The following UNC13C variants were observed in gnomAD, a reference collection of about 807,000 sequenced individuals.
UNC13C encodes the protein unc-13 homolog C.
Under a neutral mutation model 245.4 loss-of-function variants are expected in UNC13C, and 174 were observed. That is an observed-to-expected ratio of 0.71 (90% CI 0.63 to 0.80). UNC13C has a LOEUF of 0.80. Ranked by LOEUF, UNC13C falls within the 30% of genes least tolerant of loss-of-function variation. The probability of loss-of-function intolerance (pLI) is 0.00; values close to 1 mark genes in which losing one functional copy is unlikely to be tolerated. For synonymous variants in UNC13C, 992 were observed against 895.1 expected (o/e 1.11, Z -1.93); for missense variants, 2,829 against 2,602.9 (o/e 1.09, Z -1.89).
chr15:54,057,833 A>C (rs1192042640), intron 2 of UNC13C, among the ~76,000 whole-genome samples: 1 of 152,232 alleles, frequency 6.6e-6, no homozygotes, highest in East Asian at 1.9e-4. Context: ...AACTACATGG[A>C]AACTGAACAA....
At chr15:53,939,164 T>A in the UNC13C span, among the ~76,000 whole-genome samples, 5 of 151,882 alleles carry the variant, frequency 3.3e-5, no homozygotes, top group African/African-American at 1.2e-4. Flanking sequence ...ATATCACCAG[T>A]GACCCCACAG....
At chr15:54,199,347 G>A (rs1035719111) in intron 4 of UNC13C, among the ~76,000 whole-genome samples, 1 of 151,938 alleles carries the variant, frequency 6.6e-6, no homozygotes, top group Non-Finnish European at 1.5e-5. Flanking sequence ...CAATAAACCT[G>A]GGAAATTCAT....
chr15:54,369,059 C>T (rs2039429515), intron 17 of UNC13C, among the ~76,000 whole-genome samples: 1 of 151,938 alleles, frequency 6.6e-6, no homozygotes, highest in Non-Finnish European at 1.5e-5. Context: ...CTTATAAAGT[C>T]CTTCAGAGTT....
intron 26 of UNC13C, among the ~76,000 whole-genome samples, chr15:54,534,626 A>G (rs1388989222): frequency 6.6e-6 from 1 of 152,180 alleles, no homozygotes; most frequent in East Asian, 1.9e-4. Context: ...TGGCATCTGG[A>G]TAGGAAAAAA....
At chr15:54,372,795 T>C (rs183942615) in intron 17 of UNC13C, among the ~76,000 whole-genome samples, 15 of 152,322 alleles carry the variant, frequency 9.8e-5, no homozygotes, top group African/African-American at 3.6e-4. Context: ...TGCTGGCCAA[T>C]AGAACTTTGT....
the UNC13C span, among the ~76,000 whole-genome samples, chr15:53,844,038 A>G: frequency 3.3e-5 from 5 of 152,206 alleles, no homozygotes; most frequent in African/African-American, 1.2e-4. Flanking sequence ...AGGAGATGTG[A>G]CATATAAAAA....
At chr15:54,356,224 G>A (rs1314258635) in intron 17 of UNC13C, among the ~76,000 whole-genome samples, 1 of 152,128 alleles carries the variant, frequency 6.6e-6, no homozygotes. Context: ...ATAAAAGTAT[G>A]TATCAAATAA....
At chr15:53,890,140 C>CTTTTTTTT in the UNC13C span, among the ~76,000 whole-genome samples, 2 of 145,244 alleles carry the variant, frequency 1.4e-5, no homozygotes, top group Non-Finnish European at 1.5e-5. Flanking sequence ...ACCAGCGCCT[C>CTTTTTTTT]TTTTTTTTTT....
chr15:54,166,903 T>G (rs1419065299), intron 4 of UNC13C, among the ~76,000 whole-genome samples: 1 of 152,164 alleles, frequency 6.6e-6, no homozygotes, highest in Non-Finnish European at 1.5e-5. Context: ...AATCTCAGTT[T>G]TCTCCCATCT....
intron 13 of UNC13C, among the ~76,000 whole-genome samples, chr15:54,312,822 C>A (rs55982938): frequency 0.038 from 5,783 of 151,840 alleles, 388 homozygotes; most frequent in African/African-American, 0.13. Flanking sequence ...GAAATACCCT[C>A]CCATTCCTCT....
chr15:54,257,099 C>T (rs1411797272), intron 8 of UNC13C, among the ~76,000 whole-genome samples: 2 of 152,130 alleles, frequency 1.3e-5, no homozygotes, highest in African/African-American at 4.8e-5. Context: ...AGAAATAAAT[C>T]TTGTTTTGAA....
intron 17 of UNC13C, among the ~76,000 whole-genome samples, chr15:54,373,637 G>A (rs2140886993): frequency 6.6e-6 from 1 of 152,342 alleles, no homozygotes; most frequent in Non-Finnish European, 1.5e-5. Flanking sequence ...GAACCATAGA[G>A]TCCCAAAGAA....
Position 54,127,237 on chromosome 15 carries a change from G to A in UNC13C, c.2984-15781G>A, listed in dbSNP as rs559175632. On this transcript the variant is annotated intron_variant, in intron 2 of 32. Transcript: ENST00000260323. The stretch of plus-strand genomic sequence containing the variant: ...CCCAAAGGATTATAAATCATTCTAC[G>A]ATAAAGACACATGCACACATATGTT... Among the ~76,000 whole-genome samples, 12 of 152,122 alleles carry A rather than the reference G, an allele frequency of 7.9e-5. No homozygotes were observed. In the South Asian group the frequency reaches 2.1e-3, roughly 26 times the overall value.
chr15:54,356,532 G>A (rs113769992), intron 17 of UNC13C, among the ~76,000 whole-genome samples: 39 of 152,218 alleles, frequency 2.6e-4, no homozygotes, highest in African/African-American at 4.3e-4. Flanking sequence ...TAGATATAGC[G>A]TCTGGTGGGA....
chr15:54,350,518 TCTC>T (rs2038958717), intron 17 of UNC13C, among the ~76,000 whole-genome samples: 1 of 152,122 alleles, frequency 6.6e-6, no homozygotes, highest in African/African-American at 2.4e-5. Context: ...GGTTCTAACC[TCTC>T]CTCCAACTCA....
chr15:53,879,676 C>G, the UNC13C span, among the ~76,000 whole-genome samples: 5 of 152,074 alleles, frequency 3.3e-5, no homozygotes, highest in Non-Finnish European at 7.4e-5. Flanking sequence ...GCAACCTCCA[C>G]CTCCCAGGTT....
Position 54,400,105 on chromosome 15 carries a change from G to T in UNC13C, c.4847+6924G>T, listed in dbSNP as rs57177642. On this transcript the variant is annotated intron_variant, in intron 18 of 32. Coordinates refer to ENST00000260323, the MANE Select transcript of UNC13C (RefSeq NM_001080534.3). ...TGGCTGAGTTATCTTAAACAAACTT[G>T]AGACATTCTATCATTTCATCCCTTC... Among the ~76,000 whole-genome samples, 693 of 151,892 alleles carry T rather than the reference G, an allele frequency of 4.6e-3. 34 individuals are homozygous for T. The East Asian group carries it at 0.1, about 22-fold the overall frequency.
At chr15:53,957,038 C>A in the UNC13C span, among the ~76,000 whole-genome samples, 36 of 152,194 alleles carry the variant, frequency 2.4e-4, no homozygotes, top group Middle Eastern at 0.014. Context: ...AAAACAAATG[C>A]CAACAAATAT....
the UNC13C span, among the ~76,000 whole-genome samples, chr15:53,944,081 TTTAG>T: frequency 3.4e-5 from 5 of 147,032 alleles, no homozygotes; most frequent in African/African-American, 9.7e-5. Context: ...ATATCTGTCT[TTTAG>T]TTAGTTTATT....
Sources: gnomAD v4.1 joint callset for allele counts (sites outside exome capture counted in the v4.1 genomes callset) on GRCh38, gnomAD v4.1.1 for gene constraint, MANE v1.5 for transcripts, NCBI Gene and HGNC (gene_info 2026-07-23, HGNC 2026-07-21) for gene names.